Variants in ZNF331 observed in about 807,000 individuals in gnomAD.
The protein encoded by ZNF331 is zinc finger protein 331, also known as C2H2-like zinc finger protein rearranged in thyroid adenomas.
A neutral mutation model predicts 7.0 loss-of-function variants in ZNF331; 2 were observed. That is an observed-to-expected ratio of 0.29 (90% CI 0.12 to 0.90). The LOEUF is 0.90. ZNF331 is among the 40% of genes least tolerant of loss of function. The pLI, the probability that ZNF331 is intolerant of heterozygous loss-of-function variation, is 0.58. For missense variants in ZNF331, 432 were observed against 587.7 expected, an observed-to-expected ratio of 0.74 and a Z score of 2.74; for synonymous variants, 196 against 205.4, an observed-to-expected ratio of 0.95 and a Z score of 0.39.
chr19:53,522,429 A>T (rs2087122225), intron 1 of ZNF331, among the ~76,000 whole-genome samples: 1 of 151,652 alleles, frequency 6.6e-6, no homozygotes, highest in African/African-American at 2.4e-5. Flanking sequence ...TAGAGACGGG[A>T]TTTCACCATG....
In ZNF331 at chr19:53,569,429, G is replaced by A. The variant is rs149778342; in HGVS notation, c.9+44G>A. ...TTCCTTCTTGAGCTATGATATTTGC[G>A]TTCTGTGCATCTGCTTGTGAATTAT... On this transcript the variant is annotated intron_variant, in intron 4 of 5. Transcript: ENST00000449416. The A allele has an allele frequency of 6.2e-4, 1,002 of 1,609,746 alleles. 3 individuals are homozygous for A. The African/African-American group carries it at 0.012, about 19-fold the overall frequency.
At chr19:53,513,486 CCAA>C in the ZNF331 span, among the ~76,000 whole-genome samples, 1 of 151,902 alleles carries the variant, frequency 6.6e-6, no homozygotes, top group African/African-American at 2.4e-5. Context: ...ATTGACTGTC[CCAA>C]CAACAACGTA....
chr19:53,541,520 G>T (rs2088176923), intron 2 of ZNF331, among the ~76,000 whole-genome samples: 1 of 152,194 alleles, frequency 6.6e-6, no homozygotes, highest in East Asian at 1.9e-4. Flanking sequence ...GTTCACAGCA[G>T]CCTCAATCTC....
chr19:53,505,308 G>A, the ZNF331 span, among the ~76,000 whole-genome samples: 1 of 151,966 alleles, frequency 6.6e-6, no homozygotes, highest in African/African-American at 2.4e-5. Flanking sequence ...TTTGTTTTTA[G>A]ATGGAATCTC....
chr19:53,553,951 G>A (rs1041427253), intron 2 of ZNF331, among the ~76,000 whole-genome samples: 19 of 152,324 alleles, frequency 1.2e-4, no homozygotes, highest in Admixed American at 1.2e-3. Flanking sequence ...TGCCTGCCTG[G>A]AACGCGCCCT....
upstream of ZNF331, among the ~76,000 whole-genome samples, chr19:53,515,725 G>A (rs1280215425): frequency 2.6e-5 from 4 of 152,118 alleles, no homozygotes; most frequent in African/African-American, 4.8e-5. Flanking sequence ...TCAAACTCCC[G>A]ACCTCAGGTG....
In ZNF331 at chr19:53,571,408, C is replaced by T. The variant is rs1479450476; in HGVS notation, c.10-196C>T. Among the ~76,000 whole-genome samples the T allele has an allele frequency of 2.0e-5, 3 of 152,110 alleles. No homozygotes were observed. Among genetic ancestry groups the T allele is most frequent in the Non-Finnish European group, 4.4e-5 (3 of 68,036 alleles). ...CACAGTAAAGTCATTTTCTCTGCAG[C>T]GGTAGAGCTCTTCAGTGACATGCAG... On this transcript the variant is annotated intron_variant, in intron 4 of 5. Coordinates refer to ENST00000449416, the MANE Select transcript of ZNF331 (RefSeq NM_001079906.2). The surrounding 1 kb of genome is among the most constrained non-coding windows in gnomAD (Gnocchi z 4.7).
At chr19:53,533,868 T>C (rs555241027), upstream of ZNF331, among the ~76,000 whole-genome samples, 1 of 152,322 alleles carries the variant, frequency 6.6e-6, no homozygotes, top group South Asian at 2.1e-4. Context: ...CATTTAACTT[T>C]TGACTCCCTA....
At chr19:53,551,207 T>A (rs2088986921) in intron 2 of ZNF331, among the ~76,000 whole-genome samples, 2 of 152,252 alleles carry the variant, frequency 1.3e-5, no homozygotes, top group South Asian at 4.1e-4. Context: ...TGCAAAAAAA[T>A]TCAGTCCTCT....
At chr19:53,542,075 T>C (rs546039244) in intron 2 of ZNF331, among the ~76,000 whole-genome samples, 1 of 152,114 alleles carries the variant, frequency 6.6e-6, no homozygotes, top group African/African-American at 2.4e-5. Context: ...TCTAAGCATG[T>C]GTGTGTTTTG....
At position 53,573,792 on chromosome 19, in the gene ZNF331, G is replaced by T. The variant is rs1463449118; in HGVS notation, c.136+2062G>T. On this transcript the variant is annotated intron_variant, in intron 5 of 5. Coordinates refer to ENST00000449416, the MANE Select transcript of ZNF331 (RefSeq NM_001079906.2). This position sits in a 1 kb window ranked among gnomAD's most constrained non-coding sequence, Gnocchi z 4.2. The stretch of plus-strand genomic sequence containing the variant: ...CTCAATAGCATTTTGACTTCTGGTT[G>T]TTATAAATTTGATTAATACTCAATC... 2.6e-5 allele frequency among the ~76,000 whole-genome samples: 4 copies of T among 152,072 alleles called. No homozygotes were observed. The highest frequency in any genetic ancestry group is 4.8e-5 in the African/African-American group (2 of 41,416).
chr19:53,550,472 T>G (rs1413941984), intron 2 of ZNF331, among the ~76,000 whole-genome samples: 1 of 151,964 alleles, frequency 6.6e-6, no homozygotes, highest in Non-Finnish European at 1.5e-5. Flanking sequence ...ACTAATTTTA[T>G]TATATAATGA....
At chr19:53,538,819 AG>A (rs2087921445) in intron 1 of ZNF331, 1 of 152,570 alleles carries the variant, frequency 6.6e-6, no homozygotes, top group Non-Finnish European at 1.5e-5. Context: ...TTGTAGCTCC[AG>A]CGTCTCTGCT....
chr19:53,577,630 G>A lies in ZNF331; in HGVS notation c.1070G>A (p.Cys357Tyr). ...CATACGGGCGAGAAGCCGTACAAGT[G>A]CACAGAATGTGGGAAGGCCTTCAAT... ...RIHTGEKPYKCTECGKAFNCG... is the reference protein window; with the variant it reads ...RIHTGEKPYKYTECGKAFNCG... The change falls in exon 6 of 6, where the codon TGC becomes TAC. Residue 357 changes from cysteine (C) to tyrosine (Y), a missense_variant. This residue lies in a region of ZNF331 where 312 missense variants were observed against 448.6 expected (regional missense o/e 0.70). Transcript: ENST00000449416. 1 of 1,614,042 alleles carries A rather than the reference G, an allele frequency of 6.2e-7. No individual in the cohort carries two copies. The highest frequency in any genetic ancestry group is 8.5e-7 in the Non-Finnish European group (1 of 1,180,004).
chr19:53,509,748 GA>G, the ZNF331 span, among the ~76,000 whole-genome samples: 2 of 152,160 alleles, frequency 1.3e-5, no homozygotes. Flanking sequence ...TGTGGAAGAT[GA>G]AACTCTGGGC....
chr19:53,524,216 G>T (rs1012162787), intron 2 of ZNF331, among the ~76,000 whole-genome samples: 2 of 152,182 alleles, frequency 1.3e-5, no homozygotes, highest in African/African-American at 4.8e-5. Context: ...TAGTGCCACA[G>T]TAAACATATG....
the ZNF331 span, chr19:53,503,376 T>C: frequency 1.1e-5 from 5 of 461,372 alleles, no homozygotes; most frequent in Non-Finnish European, 2.0e-5. Context: ...AGTAGCAGCC[T>C]GTGGGAACTG....
chr19:53,514,805 C>T (rs1393334113), upstream of ZNF331, among the ~76,000 whole-genome samples: 2 of 151,996 alleles, frequency 1.3e-5, no homozygotes, highest in African/African-American at 4.8e-5. Context: ...AGCCCGCCAC[C>T]ACGCCCGGCT....
intron 2 of ZNF331, among the ~76,000 whole-genome samples, chr19:53,541,386 G>T (rs746113005): frequency 2.0e-5 from 3 of 152,048 alleles, no homozygotes; most frequent in African/African-American, 4.8e-5. Flanking sequence ...GATTACAGGC[G>T]TGAGCCACCG....
Sources: gnomAD v4.1 joint callset for allele counts (sites outside exome capture counted in the v4.1 genomes callset) on GRCh38, gnomAD v4.1.1 for gene constraint, gnomAD v4.1.1 regional missense constraint, Gnocchi (gnomAD v3.1) non-coding constraint, MANE v1.5 for transcripts, NCBI Gene and HGNC (gene_info 2026-07-23, HGNC 2026-07-21) for gene names.